Variants in SAG observed in about 807,000 individuals in gnomAD.
SAG encodes S-arrestin.
Under a neutral mutation model 55.0 loss-of-function variants are expected in SAG, and 45 were observed. The ratio of observed to expected loss-of-function variants is 0.82; its 90% confidence interval spans 0.64 to 1.05. SAG has a LOEUF of 1.05. SAG is among the 50% of genes least tolerant of loss of function. The pLI, the probability that SAG is intolerant of heterozygous loss-of-function variation, is 0.00. For missense variants in SAG, 455 were observed against 512.1 expected, an observed-to-expected ratio of 0.89 and a Z score of 1.08; for synonymous variants, 189 against 197.4, an observed-to-expected ratio of 0.96 and a Z score of 0.36.
chr2:233,319,099 ACTT>A lies in SAG; in HGVS notation c.181+307_181+309del, dbSNP rs1196481970. The A allele has an allele frequency of 2.7e-5, 15 of 552,394 alleles. No individual in the cohort carries two copies. The highest frequency in any genetic ancestry group is 3.8e-4 in the Middle Eastern group (1 of 2,630). 34.2% of individuals were successfully genotyped at this position (552,394 alleles called of 1,614,324 possible). ...CTGTTTGCTCGCCCCTGTTTCATGT[ACTT>A]CTGTGCTAGGGGCAAACTCAGGAGG... is the stretch of plus-strand genomic sequence containing the variant. On this transcript the variant is annotated intron_variant, in intron 4 of 15. Transcript: ENST00000409110. This position sits in a 1 kb window ranked among gnomAD's most constrained non-coding sequence, Gnocchi z 4.4.
chr2:233,320,839 G>C lies in SAG; in HGVS notation c.375+16G>C. On this transcript the variant is annotated intron_variant, in intron 5 of 15. Transcript: ENST00000409110. The stretch of plus-strand genomic sequence containing the variant: ...TCTCCTGACGGTGGGTGACTCCTCC[G>C]GCCAGCCCTGCTTCCTTCACCCGCA... 3 of 1,566,194 alleles carry C rather than the reference G, an allele frequency of 1.9e-6. No individual in the cohort carries two copies. The highest frequency in any genetic ancestry group is 2.4e-5 in the East Asian group (1 of 42,204).
intron 6 of SAG, 71 bp downstream of exon 6, chr2:233,323,076 T>C (rs1700436189): frequency 4.1e-6 from 4 of 982,972 alleles, no homozygotes; most frequent in African/African-American, 3.3e-5. Flanking sequence ...TTATTGTTTT[T>C]GAAACAGGGT....
Position 233,342,270 on chromosome 2 carries a change from G to C in SAG, c.1047-1G>C, listed in dbSNP as rs373268816. ...CACCAATCTTCATTCTTTTTTTCTA[G>C]TGAAGTCGCCACTGAGGTCCCATTC... On this transcript the variant is annotated splice_acceptor_variant, in intron 13 of 15. Coordinates refer to ENST00000409110, the MANE Select transcript of SAG (RefSeq NM_000541.5). LOFTEE classifies it high-confidence loss of function. The C allele has an allele frequency of 5.6e-6, 9 of 1,604,032 alleles. No homozygotes were observed. The highest frequency in any genetic ancestry group is 7.7e-6 in the Non-Finnish European group (9 of 1,174,638).
At chr2:233,324,356 C>T (rs969938070) in intron 6 of SAG, among the ~76,000 whole-genome samples, 8 of 152,194 alleles carry the variant, frequency 5.3e-5, no homozygotes, top group African/African-American at 1.9e-4. Context: ...CATGCCACTG[C>T]ACTGCGCTCT....
intron 3 of SAG, among the ~76,000 whole-genome samples, chr2:233,318,343 T>G (rs942454144): frequency 1.3e-5 from 2 of 151,920 alleles, no homozygotes; most frequent in African/African-American, 4.8e-5. Context: ...TTTTTTTTTT[T>G]GTTTTTTTAT....
intron 2 of SAG, among the ~76,000 whole-genome samples, chr2:233,314,221 CA>C (rs59624953): frequency 0.027 from 3,643 of 133,414 alleles, 53 homozygotes; most frequent in Non-Finnish European, 0.045. Flanking sequence ...GACCTTGTCT[CA>C]AAAAAAAAAA....
intron 13 of SAG, among the ~76,000 whole-genome samples, chr2:233,341,926 C>T (rs1198065865): frequency 6.6e-6 from 1 of 152,104 alleles, no homozygotes; most frequent in African/African-American, 2.4e-5. Context: ...CAAGACCAGC[C>T]TGGGCAACAT....
chr2:233,330,594 G>A (rs1318516744), intron 9 of SAG, among the ~76,000 whole-genome samples: 1 of 147,676 alleles, frequency 6.8e-6, no homozygotes, highest in Non-Finnish European at 1.5e-5. Flanking sequence ...GCAGTGGTGT[G>A]ATCTCGGCTC....
At chr2:233,316,733 T>C (rs959694770) in intron 3 of SAG, among the ~76,000 whole-genome samples, 9 of 152,192 alleles carry the variant, frequency 5.9e-5, no homozygotes, top group African/African-American at 2.2e-4. Flanking sequence ...GACAGGAAGA[T>C]ACATTTCATC....
chr2:233,310,184 C>T (rs572529397), intron 2 of SAG, among the ~76,000 whole-genome samples: 2 of 152,300 alleles, frequency 1.3e-5, no homozygotes, highest in South Asian at 2.1e-4. Context: ...TAGCTCCACT[C>T]GAAAGCTTCT....
rs1559436783 is a variant in SAG, at chr2:233,319,785, C to T, written c.182-845C>T. ...GCTGTCAAACCACGTGGTCTCTGGG[C>T]ACCTTCTTAGTCCTGAGCTTGAATG... On this transcript the variant is annotated intron_variant, in intron 4 of 15. Transcript: ENST00000409110. The surrounding 1 kb of genome is among the most constrained non-coding windows in gnomAD (Gnocchi z 4.4). 1.0e-6 allele frequency: 1 copy of T among 985,574 alleles called. No homozygotes were observed. Among genetic ancestry groups the T allele is most frequent in the Non-Finnish European group, 1.2e-6 (1 of 829,918 alleles). The allele number at this position is 985,574 out of a possible 1,614,324, so 61.1% of individuals were successfully genotyped here.
At position 233,339,882 on chromosome 2, in the gene SAG, C is replaced by T. The variant is rs182962775; in HGVS notation, c.1023-573C>T. 3.2e-3 allele frequency among the ~76,000 whole-genome samples: 490 copies of T among 151,532 alleles called. 3 individuals are homozygous for T. The highest frequency in any genetic ancestry group is 0.011 in the African/African-American group (465 of 41,292). ...TTCACCATGTTAGCCAGGCTGGTCT[C>T]GAACTTCTGACCTCAAGTGATCTGC... On this transcript the variant is annotated intron_variant, in intron 12 of 15. Coordinates refer to ENST00000409110, the MANE Select transcript of SAG (RefSeq NM_000541.5).
At chr2:233,321,896 G>GTATTGAAAGC (rs1414834821) in intron 5 of SAG, among the ~76,000 whole-genome samples, 1 of 151,540 alleles carries the variant, frequency 6.6e-6, no homozygotes, top group Non-Finnish European at 1.5e-5. Flanking sequence ...ATGTCAACAC[G>GTATTGAAAGC]TATTGAAAGC....
rs377576634 is a variant in SAG at position 233,338,517 on chromosome 2, C to T, written c.945-159C>T. 98 of 658,476 alleles carry T rather than the reference C, an allele frequency of 1.5e-4. No homozygotes were observed. In the East Asian group the frequency reaches 2.0e-3, roughly 13 times the overall value. 40.8% of individuals were successfully genotyped at this position (658,476 alleles called of 1,614,324 possible). ...TGCAAGGAGTCCCCATACCCACTCC[C>T]CAAGTACATGAACTTCTAGGACTTT... On this transcript the variant is annotated intron_variant, in intron 11 of 15. Coordinates refer to ENST00000409110, the MANE Select transcript of SAG (RefSeq NM_000541.5).
rs188213608 is a variant in SAG at position 233,327,091 on chromosome 2, C to T, written c.436-30C>T. 2.6e-3 allele frequency: 4,123 copies of T among 1,591,750 alleles called. 148 individuals carry two copies. The South Asian group carries it at 0.042, about 16-fold the overall frequency. On this transcript the variant is annotated intron_variant, in intron 6 of 15. Transcript: ENST00000409110. ...GGCACCCAGGGAGGGAGTCGCTGAT[C>T]GCTGCCTGTCTGCTCTCTCTCCCCA...
At chr2:233,311,923 C>T (rs1700085615) in intron 2 of SAG, among the ~76,000 whole-genome samples, 2 of 152,052 alleles carry the variant, frequency 1.3e-5, no homozygotes, top group South Asian at 2.1e-4. Context: ...GTCAGGAGTT[C>T]GAGACCAGCC....
rs1216467146 is a variant in SAG, at chr2:233,340,351, T to G, written c.1023-104T>G. On this transcript the variant is annotated intron_variant, in intron 12 of 15. Transcript: ENST00000409110. This position sits in a 1 kb window ranked among gnomAD's most constrained non-coding sequence, Gnocchi z 4.2. ...AGACCCTGGATGTTGTGAGTTCGGG[T>G]GCAAGGGCCATGAGAGCTGGGCTGT... 3 of 916,658 alleles carry G rather than the reference T, an allele frequency of 3.3e-6. No homozygotes were observed. The allele number at this position is 916,658 out of a possible 1,614,324, so 56.8% of individuals were successfully genotyped here.
At chr2:233,337,569 G>T (rs550259588) in intron 11 of SAG, among the ~76,000 whole-genome samples, 13 of 152,252 alleles carry the variant, frequency 8.5e-5, no homozygotes, top group African/African-American at 3.1e-4. Flanking sequence ...AGCTCCAGAC[G>T]CCAGTGAGCT....
At chr2:233,320,892 G>T (rs1461272056) in intron 5 of SAG, 69 bp downstream of exon 5, 1 of 1,341,344 alleles carries the variant, frequency 7.5e-7, no homozygotes, top group African/African-American at 1.5e-5. Flanking sequence ...TGGGGGCAAA[G>T]GAAAGGGGAT....
Sources: gnomAD v4.1 joint callset for allele counts (sites outside exome capture counted in the v4.1 genomes callset) on GRCh38, gnomAD v4.1.1 for gene constraint, Gnocchi (gnomAD v3.1) non-coding constraint, MANE v1.5 for transcripts, NCBI Gene and HGNC (gene_info 2026-07-23, HGNC 2026-07-21) for gene names.